Variants in CFAP92 observed in about 807,000 individuals in gnomAD.
CFAP92 encodes the protein cilia and flagella associated protein 92 (putative), also known as uncharacterized protein CFAP92.
Under a neutral mutation model 106.3 loss-of-function variants are expected in CFAP92, and 86 were observed. The ratio of observed to expected loss-of-function variants is 0.81; its 90% CI spans 0.68 to 0.97. The LOEUF (loss-of-function observed/expected upper bound fraction) is 0.97. Ranked by LOEUF, CFAP92 falls within the 50% of genes least tolerant of loss-of-function variation. CFAP92 has a pLI of 0.00. For missense variants in CFAP92, 1,204 were observed against 1,283.8 expected (o/e 0.94, Z 0.95); for synonymous variants, 477 against 506.4 (o/e 0.94, Z 0.78).
intron 12 of CFAP92, among the ~76,000 whole-genome samples, chr3:128,928,463 G>A (rs1937955744): frequency 6.6e-6 from 1 of 152,136 alleles, no homozygotes; most frequent in African/African-American, 2.4e-5. Flanking sequence ...ATATGGAGAG[G>A]CATATAAGTT....
At chr3:128,996,138 A>G (rs190480272), upstream of CFAP92, among the ~76,000 whole-genome samples, 2 of 152,312 alleles carry the variant, frequency 1.3e-5, no homozygotes, top group Admixed American at 1.3e-4. Context: ...GCCATGTGAA[A>G]TGGCCACATG....
Position 128,986,736 on chromosome 3 carries a change from C to T in CFAP92, c.667+880G>A, listed in dbSNP as rs192428934. ...TTTTTCCTTTTTTGCAGATGAGAAA[C>T]GTATGTTCAGGAACATGCCCAAGTC... is the stretch of plus-strand genomic sequence containing the variant. On this transcript the variant is annotated intron_variant, in intron 4 of 15. Coordinates refer to ENST00000645291, the MANE Select transcript of CFAP92 (RefSeq NM_001394090.1). 5.3e-4 allele frequency among the ~76,000 whole-genome samples: 81 copies of T among 152,258 alleles called. 1 individual carries two copies. The highest frequency in any genetic ancestry group is 1.0e-3 in the Admixed American group (16 of 15,276).
chr3:128,936,672 C>G (rs1056544759), intron 10 of CFAP92, among the ~76,000 whole-genome samples: 15 of 152,162 alleles, frequency 9.9e-5, no homozygotes, highest in Non-Finnish European at 1.6e-4. Context: ...TGGCACTCAC[C>G]AGTCAGAGGT....
In CFAP92 at chr3:128,945,734, G is replaced by A. The variant is rs1309729655; in HGVS notation, c.1595C>T (p.Pro532Leu). 10 of 1,535,832 alleles carry A rather than the reference G, an allele frequency of 6.5e-6. No individual in the cohort carries two copies. In the Admixed American group the frequency reaches 1.8e-4, roughly 27 times the overall value. ...CTGGAAGTTGAGGTATGAATCCAGA[G>A]GGTCCTCCCCAAACAGCACGGGCTT... ...SQKPVLFGED[P>L]LDSYLNFQAL... Residue 532 changes from proline (P) to leucine (L), a missense_variant, in exon 10 of 16, where the codon CCT (proline) becomes CTT (leucine). Coordinates refer to ENST00000645291, the MANE Select transcript of CFAP92 (RefSeq NM_001394090.1).
At position 128,976,891 on chromosome 3, in the gene CFAP92, A is replaced by G. The variant is rs1164717603; in HGVS notation, c.896+88T>C. ...ATTGCATGAGATCCAGTTTAACTGG[A>G]TTTACTAAAAAACCTACCACGACTC... On this transcript the variant is annotated intron_variant, in intron 6 of 15. Transcript: ENST00000645291. 2.4e-5 allele frequency: 25 copies of G among 1,033,876 alleles called. No homozygotes were observed. The Admixed American group carries it at 2.8e-4, about 12-fold the overall frequency. 64.0% of individuals were successfully genotyped at this position (1,033,876 alleles called of 1,614,324 possible).
chr3:128,937,709 T>C lies in CFAP92; in HGVS notation c.2259-2390A>G, dbSNP rs572376690. On this transcript the variant is annotated intron_variant, in intron 10 of 15. Transcript: ENST00000645291. ...ACAGTAGTTATATAAGATGTCACCA[T>C]TGGGGGAGGTTGAGTAATGAGTACA... 3.3e-5 allele frequency among the ~76,000 whole-genome samples: 5 copies of C among 152,292 alleles called. No homozygotes were observed. The South Asian group carries it at 8.3e-4, about 25-fold the overall frequency.
intron 12 of CFAP92, among the ~76,000 whole-genome samples, chr3:128,932,399 G>A (rs1013774524): frequency 1.0e-5 from 1 of 99,248 alleles, no homozygotes; most frequent in Non-Finnish European, 2.1e-5. Context: ...ACACACACAT[G>A]CCACAGTTCT....
At chr3:129,002,218 G>A (rs1452899962) in intron 1 of CFAP92, 1 of 1,529,086 alleles carries the variant, frequency 6.5e-7, no homozygotes, top group East Asian at 2.5e-5. Context: ...GGTCCTGACT[G>A]TGAGCGCGTT....
intron 11 of CFAP92, among the ~76,000 whole-genome samples, chr3:128,933,989 T>G (rs2107708349): frequency 6.6e-6 from 1 of 152,284 alleles, no homozygotes; most frequent in South Asian, 2.1e-4. Flanking sequence ...GGTTTGTACC[T>G]CCTGCCCCAC....
intron 12 of CFAP92, among the ~76,000 whole-genome samples, chr3:128,922,935 G>T (rs994605102): frequency 6.6e-6 from 1 of 152,164 alleles, no homozygotes; most frequent in Non-Finnish European, 1.5e-5. Flanking sequence ...GATAAGCTTC[G>T]ATTTGCTCTC....
chr3:128,984,478 C>G (rs1306836346), intron 4 of CFAP92, among the ~76,000 whole-genome samples: 1 of 152,206 alleles, frequency 6.6e-6, no homozygotes, highest in Non-Finnish European at 1.5e-5. Flanking sequence ...ACATCAGCCT[C>G]CAAGTTCTTC....
In CFAP92 at chr3:128,909,993, T is replaced by A. The variant is rs750199589; in HGVS notation, c.*306A>T. On this transcript the variant is annotated 3_prime_UTR_variant, in exon 16 of 16. Transcript: ENST00000645291. ...GTGGGGGACTGGTCTAGGTAGTGAG[T>A]CCCCACTTGGAGCCTCTGTGATCCC... 6.2e-7 allele frequency: 1 copy of A among 1,611,332 alleles called. No homozygotes were observed. Among genetic ancestry groups the A allele is most frequent in the Non-Finnish European group, 8.5e-7 (1 of 1,179,214 alleles).
chr3:128,910,382 T>C lies in CFAP92; in HGVS notation c.3281-49A>G, dbSNP rs1936141910. The C allele has an allele frequency of 2.1e-6, 3 of 1,449,690 alleles. No individual in the cohort carries two copies. In the South Asian group the frequency reaches 4.3e-5, roughly 21 times the overall value. The allele number at this position is 1,449,690 out of a possible 1,614,324, so 89.8% of individuals were successfully genotyped here. ...CAGGGGTTCCTGATCCCAGTGCCCC[T>C]ACCCCCAGCAAGGGACAGACCCTGC... On this transcript the variant is annotated intron_variant, in intron 15 of 15. Transcript: ENST00000645291.
intron 6 of CFAP92, 82 bp from the exon 7 acceptor site, chr3:128,975,985 A>G (rs896486747): frequency 7.2e-7 from 1 of 1,395,786 alleles, no homozygotes; most frequent in Non-Finnish European, 9.6e-7. Flanking sequence ...CTGATGGACT[A>G]AATGAGAGCA....
intron 10 of CFAP92, 113 bp from the exon 11 acceptor site, chr3:128,935,432 C>G: frequency 1.5e-6 from 1 of 655,620 alleles, no homozygotes; most frequent in Admixed American, 3.0e-5. Context: ...AACCCAGGGG[C>G]CGGGTATGGT....
chr3:128,991,685 C>A, intron 2 of CFAP92: 1 of 820,610 alleles, frequency 1.2e-6, no homozygotes, highest in Non-Finnish European at 1.5e-6. Flanking sequence ...TAGGCCTCAG[C>A]CGGCCTGCAC....
intron 7 of CFAP92, among the ~76,000 whole-genome samples, chr3:128,971,935 A>C (rs1942828336): frequency 6.6e-6 from 1 of 152,224 alleles, no homozygotes; most frequent in South Asian, 2.1e-4. Context: ...GCTCAGTGCC[A>C]AGCTCAGACC....
At chr3:128,973,854 G>C (rs1942979880) in intron 7 of CFAP92, among the ~76,000 whole-genome samples, 1 of 152,170 alleles carries the variant, frequency 6.6e-6, no homozygotes, top group African/African-American at 2.4e-5. Flanking sequence ...CTGGCACGGG[G>C]ACTGTGTGCA....
chr3:128,931,654 T>G (rs573831228), intron 12 of CFAP92, among the ~76,000 whole-genome samples: 26 of 151,586 alleles, frequency 1.7e-4, no homozygotes, highest in African/African-American at 6.0e-4. Flanking sequence ...GTTAATGAAT[T>G]AGAAAAACAG....
Sources: gnomAD v4.1 joint callset for allele counts (sites outside exome capture counted in the v4.1 genomes callset) on GRCh38, gnomAD v4.1.1 for gene constraint, MANE v1.5 for transcripts, NCBI Gene and HGNC (gene_info 2026-07-23, HGNC 2026-07-21) for gene names.